Variants in SGCD observed in about 807,000 individuals in gnomAD.
SGCD encodes the protein sarcoglycan delta.
Under a neutral mutation model 36.6 loss-of-function variants are expected in SGCD, and 18 were observed. That is an observed-to-expected ratio of 0.49 (90% CI 0.34 to 0.73). SGCD has a LOEUF of 0.73. SGCD is among the 30% of genes least tolerant of loss of function. The probability of loss-of-function intolerance (pLI) is 0.01; values close to 1 mark genes in which losing one functional copy is unlikely to be tolerated. For missense variants in SGCD, 387 were observed against 346.7 expected, an observed-to-expected ratio of 1.12 and a Z score of -0.92; for synonymous variants, 133 against 130.6, an observed-to-expected ratio of 1.02 and a Z score of -0.12.
chr5:156,717,338 G>A (rs144208496), intron 7 of SGCD, among the ~76,000 whole-genome samples: 4 of 152,160 alleles, frequency 2.6e-5, no homozygotes, highest in East Asian at 3.9e-4. Flanking sequence ...CACCCAACTC[G>A]TGAATGCTCT....
chr5:156,105,384 A>T (rs1761620545), intron 1 of SGCD, among the ~76,000 whole-genome samples: 1 of 152,236 alleles, frequency 6.6e-6, no homozygotes, highest in South Asian at 2.1e-4. Context: ...TGGCAGACTT[A>T]TGAAGCCAAT....
chr5:156,713,552 T>C (rs1254643824), intron 7 of SGCD, among the ~76,000 whole-genome samples: 1 of 152,178 alleles, frequency 6.6e-6, no homozygotes, highest in Non-Finnish European at 1.5e-5. Flanking sequence ...CAGAACCTTA[T>C]ATTGTCAGAC....
At chr5:156,686,197 C>T (rs554835873) in intron 7 of SGCD, among the ~76,000 whole-genome samples, 5 of 152,190 alleles carry the variant, frequency 3.3e-5, no homozygotes, top group East Asian at 1.9e-4. Context: ...GATGAGGAAA[C>T]GAAGGCCTAG....
chr5:156,558,971 G>A (rs1019263510), intron 4 of SGCD, among the ~76,000 whole-genome samples: 9 of 152,018 alleles, frequency 5.9e-5, no homozygotes, highest in African/African-American at 2.2e-4. Flanking sequence ...CCAGCATTTT[G>A]GTGAATGGAT....
At chr5:156,172,887 C>T (rs1400211918) in intron 3 of SGCD, among the ~76,000 whole-genome samples, 1 of 151,514 alleles carries the variant, frequency 6.6e-6, no homozygotes, top group Non-Finnish European at 1.5e-5. Context: ...ATTGGCAGCA[C>T]AGGAATAAGG....
rs140675606 is a variant in SGCD at position 156,438,764 on chromosome 5, C to G, written c.193-69837C>G. On this transcript the variant is annotated intron_variant, in intron 3 of 8. Transcript: ENST00000337851. ...AAAGTCTTTTGTACCTTCTATGGCA[C>G]CTAGTTTAATTATGACAGCCAAGTA... 3.1e-3 allele frequency among the ~76,000 whole-genome samples: 465 copies of G among 152,184 alleles called. 2 individuals carry two copies. Among genetic ancestry groups the G allele is most frequent in the African/African-American group, 0.011 (437 of 41,554 alleles).
At chr5:155,982,174 G>A (rs1758242245) in intron 1 of SGCD, among the ~76,000 whole-genome samples, 1 of 152,172 alleles carries the variant, frequency 6.6e-6, no homozygotes, top group Admixed American at 6.5e-5. Flanking sequence ...AGAGACAAGT[G>A]TGTGTGATGA....
intron 1 of SGCD, among the ~76,000 whole-genome samples, chr5:155,962,787 T>C (rs1276433919): frequency 1.3e-5 from 2 of 152,024 alleles, no homozygotes; most frequent in Non-Finnish European, 2.9e-5. Flanking sequence ...GAAAATGTGG[T>C]CTCTGCTGCA....
At chr5:156,534,305 T>C (rs950039434) in intron 4 of SGCD, among the ~76,000 whole-genome samples, 1 of 152,166 alleles carries the variant, frequency 6.6e-6, no homozygotes, top group African/African-American at 2.4e-5. Flanking sequence ...AGACTTTCCA[T>C]GTGTTCACAG....
chr5:156,753,024 G>A (rs115666006), intron 7 of SGCD, among the ~76,000 whole-genome samples: 5 of 152,174 alleles, frequency 3.3e-5, no homozygotes, highest in South Asian at 2.1e-4. Flanking sequence ...GACTAGAGCC[G>A]TGCTTCTCAA....
intron 6 of SGCD, among the ~76,000 whole-genome samples, chr5:156,621,995 G>C (rs908276782): frequency 2.0e-5 from 3 of 152,138 alleles, no homozygotes; most frequent in African/African-American, 7.2e-5. Context: ...GTGGAAGTAA[G>C]CTCTAAACCC....
At chr5:156,215,967 C>T (rs1764561270) in intron 3 of SGCD, among the ~76,000 whole-genome samples, 1 of 152,088 alleles carries the variant, frequency 6.6e-6, no homozygotes, top group Non-Finnish European at 1.5e-5. Flanking sequence ...ATAAAGAAAA[C>T]ATGGTATATA....
intron 6 of SGCD, among the ~76,000 whole-genome samples, chr5:156,622,662 T>C (rs1762299764): frequency 6.6e-6 from 1 of 152,056 alleles, no homozygotes; most frequent in Admixed American, 6.6e-5. Flanking sequence ...GTAGGTTTGA[T>C]GAAGAGTAGG....
chr5:155,869,307 G>T (rs138210830), upstream of SGCD, among the ~76,000 whole-genome samples: 960 of 152,260 alleles, frequency 6.3e-3, 9 homozygotes, highest in Middle Eastern at 0.017. Context: ...AAGGTTCAAA[G>T]ATATTGTTGT....
intron 3 of SGCD, among the ~76,000 whole-genome samples, chr5:156,409,107 T>C (rs1312600081): frequency 6.6e-6 from 1 of 152,232 alleles, no homozygotes; most frequent in Non-Finnish European, 1.5e-5. Flanking sequence ...ACTTTGACTC[T>C]GCATCTTAAG....
chr5:156,629,855 C>CTTTTTTT (rs560099325), intron 6 of SGCD, among the ~76,000 whole-genome samples: 97 of 85,344 alleles, frequency 1.1e-3, no homozygotes, highest in East Asian at 1.7e-3. Context: ...GAGACTTTTT[C>CTTTTTTT]TTTTTTTTTT....
chr5:155,771,376 G>A, the SGCD span, among the ~76,000 whole-genome samples: 5 of 151,666 alleles, frequency 3.3e-5, no homozygotes, highest in Admixed American at 1.3e-4. Flanking sequence ...AGCCTCCCAA[G>A]TAGCTAGCAC....
Position 155,963,641 on chromosome 5 carries a change from T to G in SGCD, c.-282+93217T>G, listed in dbSNP as rs373149907. Among the ~76,000 whole-genome samples the G allele has an allele frequency of 1.9e-3, 294 of 152,216 alleles. 2 individuals carry two copies. Among genetic ancestry groups the G allele is most frequent in the African/African-American group, 6.9e-3 (288 of 41,558 alleles). On this transcript the variant is annotated intron_variant, in intron 1 of 9. Coordinates refer to the SGCD transcript ENST00000517913. Reference sequence around the variant, plus strand: ...TATTTTTATCTCCCCATTATAGAGCTAAGAAAACTGAGACTCAGGGAGTAA... The same window carrying G: ...TATTTTTATCTCCCCATTATAGAGCGAAGAAAACTGAGACTCAGGGAGTAA...
In SGCD at chr5:156,122,289, C is replaced by T. The variant is rs371159902; in HGVS notation, c.-207-1567C>T. Among the ~76,000 whole-genome samples the T allele has an allele frequency of 3.9e-5, 6 of 152,058 alleles. No individual in the cohort carries two copies. The South Asian group carries it at 6.2e-4, about 16-fold the overall frequency. On this transcript the variant is annotated intron_variant, in intron 2 of 9. Coordinates refer to the SGCD transcript ENST00000517913. The stretch of plus-strand genomic sequence containing the variant: ...AGTGCTGGAGACACAGCAGAATACC[C>T]GAGATAGAATTTCTTGCATGCATGG...
Sources: gnomAD v4.1 joint callset for allele counts (sites outside exome capture counted in the v4.1 genomes callset) on GRCh38, gnomAD v4.1.1 for gene constraint, MANE v1.5 for transcripts, NCBI Gene and HGNC (gene_info 2026-07-23, HGNC 2026-07-21) for gene names.